SLC6A13: variants seen among roughly 807,000 people sequenced by gnomAD.
SLC6A13 encodes the protein solute carrier family 6 member 13.
SLC6A13 carries 69 observed loss-of-function variants against 72.9 expected under a neutral mutation model. The ratio of observed to expected loss-of-function variants is 0.95; its 90% CI spans 0.78 to 1.16. SLC6A13 has a LOEUF of 1.16. Among genes scored for constraint, SLC6A13 ranks in the 50% most tolerant of loss-of-function variants. The pLI, the probability that SLC6A13 is intolerant of heterozygous loss-of-function variation, is 0.00. For missense variants in SLC6A13, 735 were observed against 760.5 expected (o/e 0.97, Z 0.39); for synonymous variants, 303 against 303.0 (o/e 1.00, Z 0.00).
chr12:258,032 G>A (rs373177291), intron 2 of SLC6A13, among the ~76,000 whole-genome samples: 2 of 152,180 alleles, frequency 1.3e-5, no homozygotes, highest in African/African-American at 2.4e-5. Flanking sequence ...GGCCAGCTCC[G>A]TCTCTCCTGA....
chr12:222,110 A>G (rs981271872), intron 13 of SLC6A13, among the ~76,000 whole-genome samples: 3 of 152,246 alleles, frequency 2.0e-5, no homozygotes, highest in African/African-American at 7.2e-5. Flanking sequence ...CAGTGTAACA[A>G]CAGCACTTCC....
intron 4 of SLC6A13, 30 bp from the exon 5 acceptor site, chr12:238,040 G>T: frequency 6.2e-7 from 1 of 1,604,812 alleles, no homozygotes; most frequent in Non-Finnish European, 8.5e-7. Context: ...AGGGAAAAAA[G>T]AGAAAAATCA....
intron 2 of SLC6A13, among the ~76,000 whole-genome samples, chr12:247,928 A>T (rs1464432304): frequency 6.6e-6 from 1 of 152,188 alleles, no homozygotes. Flanking sequence ...TACAAAGTTT[A>T]AAACAATCAG....
chr12:259,474 T>C (rs1395211849), intron 2 of SLC6A13: 3 of 1,276,438 alleles, frequency 2.4e-6, no homozygotes, highest in Non-Finnish European at 3.0e-6. Flanking sequence ...TCTCTAATCC[T>C]TACAATGACC....
intron 7 of SLC6A13, among the ~76,000 whole-genome samples, chr12:232,133 C>T (rs1367258791): frequency 6.6e-6 from 1 of 152,134 alleles, no homozygotes; most frequent in Non-Finnish European, 1.5e-5. Context: ...GTAAGCACGC[C>T]CTAGTTGTTA....
intron 2 of SLC6A13, among the ~76,000 whole-genome samples, chr12:256,810 G>A (rs1016731810): frequency 6.6e-6 from 1 of 152,224 alleles, no homozygotes; most frequent in South Asian, 2.1e-4. Context: ...TTGGAGCTGT[G>A]AATTTAAAGA....
At chr12:247,626 C>G (rs1436415310) in intron 2 of SLC6A13, among the ~76,000 whole-genome samples, 1 of 152,106 alleles carries the variant, frequency 6.6e-6, no homozygotes, top group Non-Finnish European at 1.5e-5. Context: ...GAAATGATAT[C>G]ACCAGATAGA....
intron 2 of SLC6A13, among the ~76,000 whole-genome samples, chr12:248,719 A>T (rs1942442554): frequency 6.6e-6 from 1 of 152,234 alleles, no homozygotes; most frequent in Non-Finnish European, 1.5e-5. Context: ...AATAATTTAT[A>T]GAATAAGTAT....
intron 7 of SLC6A13, among the ~76,000 whole-genome samples, chr12:229,702 G>C (rs1160211640): frequency 6.6e-6 from 1 of 152,202 alleles, no homozygotes; most frequent in Non-Finnish European, 1.5e-5. Context: ...CTCGCGCCTT[G>C]GACATTTGCT....
At chr12:222,301 T>C (rs1464675447) in intron 13 of SLC6A13, among the ~76,000 whole-genome samples, 1 of 152,208 alleles carries the variant, frequency 6.6e-6, no homozygotes, top group East Asian at 1.9e-4. Context: ...CACACTGTGG[T>C]GTTGGTCAAA....
intron 9 of SLC6A13, among the ~76,000 whole-genome samples, chr12:225,870 A>G (rs374603654): frequency 6.6e-6 from 1 of 152,202 alleles, no homozygotes; most frequent in East Asian, 1.9e-4. Flanking sequence ...ATGTTATTTG[A>G]AAGCAGCAAA....
chr12:230,015 G>A (rs564344098), intron 7 of SLC6A13, among the ~76,000 whole-genome samples: 17 of 152,202 alleles, frequency 1.1e-4, no homozygotes, highest in South Asian at 8.3e-4. Context: ...TTTGACCAAA[G>A]CCCCCTCGCT....
intron 2 of SLC6A13, among the ~76,000 whole-genome samples, chr12:244,446 TG>T (rs1335087184): frequency 6.6e-6 from 1 of 152,176 alleles, no homozygotes; most frequent in East Asian, 1.9e-4. Context: ...CCCAGCACTT[TG>T]GGAGGCTGAG....
intron 14 of SLC6A13, 35 bp downstream of exon 14, chr12:221,341 C>T (rs1256254180): frequency 2.6e-5 from 40 of 1,548,666 alleles, no homozygotes; most frequent in Non-Finnish European, 3.4e-5. Flanking sequence ...GCCTCCCAGC[C>T]CCTCTGGCTG....
intron 2 of SLC6A13, among the ~76,000 whole-genome samples, chr12:244,028 CT>C: frequency 6.6e-6 from 1 of 152,326 alleles, no homozygotes; most frequent in Middle Eastern, 3.4e-3. Flanking sequence ...CCTTTTTTCA[CT>C]GCAGTTTCAG....
chr12:226,731 A>G, intron 8 of SLC6A13: 1 of 477,672 alleles, frequency 2.1e-6, no homozygotes. Flanking sequence ...GGGACGGAAT[A>G]AATCAAGGTA....
At chr12:234,445 G>A (rs1941841398) in intron 7 of SLC6A13, among the ~76,000 whole-genome samples, 2 of 152,164 alleles carry the variant, frequency 1.3e-5, no homozygotes, top group African/African-American at 4.8e-5. Flanking sequence ...GGGCTGCCCT[G>A]CCTATGGAGT....
intron 1 of SLC6A13, among the ~76,000 whole-genome samples, chr12:260,997 G>A (rs139023850): frequency 4.1e-4 from 63 of 152,330 alleles, no homozygotes; most frequent in African/African-American, 1.5e-3. Context: ...GGTGGTCTAA[G>A]TACTCCTTCT....
chr12:235,407 A>T (rs1941891298), intron 6 of SLC6A13, among the ~76,000 whole-genome samples, 183 bp from the exon 7 acceptor site: 1 of 152,234 alleles, frequency 6.6e-6, no homozygotes, highest in African/African-American at 2.4e-5. Context: ...GAATGGAGGG[A>T]CTGGCTGGAG....
Sources: allele counts gnomAD v4.1 joint callset (sites outside exome capture counted in the v4.1 genomes callset), GRCh38; gene constraint gnomAD v4.1.1; transcripts MANE v1.5; gene names NCBI Gene and HGNC (gene_info 2026-07-23, HGNC 2026-07-21).